ANKS1B: variants seen among roughly 807,000 people sequenced by gnomAD.
The protein encoded by ANKS1B is ankyrin repeat and sterile alpha motif domain-containing protein 1B.
In ANKS1B, 36 loss-of-function variants were observed where a neutral mutation model predicts 148.3. The ratio of observed to expected loss-of-function variants is 0.24; its 90% CI spans 0.19 to 0.32. The LOEUF (loss-of-function observed/expected upper bound fraction) is 0.32. Among genes scored for constraint, ANKS1B ranks in the 10% least tolerant of loss-of-function variants. The pLI is 1.00. For synonymous variants in ANKS1B, 542 were observed against 560.8 expected, an observed-to-expected ratio of 0.97 and a Z score of 0.47; for missense variants, 1,157 against 1,542.6, an observed-to-expected ratio of 0.75 and a Z score of 4.19.
chr12:99,714,534 GTTT>G (rs1036744829), intron 8 of ANKS1B, among the ~76,000 whole-genome samples: 6 of 152,080 alleles, frequency 3.9e-5, no homozygotes, highest in African/African-American at 1.2e-4. Flanking sequence ...AATATTTCAA[GTTT>G]TTTATTATTA....
intron 17 of ANKS1B, among the ~76,000 whole-genome samples, chr12:98,975,460 C>T (rs2099893266): frequency 6.6e-6 from 1 of 151,820 alleles, no homozygotes; most frequent in East Asian, 1.9e-4. Flanking sequence ...TTGCAGTCAC[C>T]GAATGTTTTT....
chr12:98,835,458 C>T (rs762378938), intron 17 of ANKS1B, among the ~76,000 whole-genome samples: 3 of 152,148 alleles, frequency 2.0e-5, no homozygotes, highest in Non-Finnish European at 4.4e-5. Flanking sequence ...GTCATAAAGT[C>T]AATCATGTTA....
chr12:99,463,278 T>C (rs2096019151), intron 10 of ANKS1B, among the ~76,000 whole-genome samples: 1 of 152,206 alleles, frequency 6.6e-6, no homozygotes, highest in African/African-American at 2.4e-5. Context: ...GAAGACAAGA[T>C]ATTCACAAGC....
At position 98,886,947 on chromosome 12, in the gene ANKS1B, G is replaced by A. The variant is rs147638573; in HGVS notation, c.2779-54811C>T. Among the ~76,000 whole-genome samples the A allele has an allele frequency of 1.8e-3, 269 of 151,974 alleles. 11 individuals are homozygous for A. In the East Asian group the frequency reaches 0.046, roughly 26 times the overall value. On this transcript the variant is annotated intron_variant, in intron 17 of 26. Coordinates refer to ENST00000683438, the MANE Select transcript of ANKS1B (RefSeq NM_001352186.2). Reference sequence around the variant, plus strand: ...AATGCAGAATCCATGGGTCTTTCTCGAAAAAAAGAAACAAAAAGCAGTTGG... The same window carrying A: ...AATGCAGAATCCATGGGTCTTTCTCAAAAAAAAGAAACAAAAAGCAGTTGG...
chr12:98,925,629 A>G (rs2152931708), intron 17 of ANKS1B, among the ~76,000 whole-genome samples: 1 of 152,320 alleles, frequency 6.6e-6, no homozygotes, highest in African/African-American at 2.4e-5. Context: ...TTGCACTTAT[A>G]ACCATCTGCC....
At position 98,969,149 on chromosome 12, in the gene ANKS1B, T is replaced by C. The variant is rs544682835; in HGVS notation, c.2778+84008A>G. 7.2e-5 allele frequency among the ~76,000 whole-genome samples: 11 copies of C among 152,324 alleles called. 1 individual carries two copies. The South Asian group carries it at 2.3e-3, about 32-fold the overall frequency. Reference sequence around the variant, plus strand: ...TGGGGAAGGATATGCTTGTGAAATGTAGCTTGGCTCTGTTGCTGACTTAGA... The same window carrying C: ...TGGGGAAGGATATGCTTGTGAAATGCAGCTTGGCTCTGTTGCTGACTTAGA... On this transcript the variant is annotated intron_variant, in intron 17 of 26. Transcript: ENST00000683438.
chr12:99,620,821 T>A lies in ANKS1B; in HGVS notation c.1272+34246A>T, dbSNP rs550777439. Among the ~76,000 whole-genome samples, 18 of 152,216 alleles carry A rather than the reference T, an allele frequency of 1.2e-4. No homozygotes were observed. The East Asian group carries it at 2.1e-3, about 18-fold the overall frequency. ...AGAGAGAAAGAGAAAAAGTAAACAATGTGAAAACATATTTAAGGGAATAAC... is the reference window on the plus strand; with the variant it reads ...AGAGAGAAAGAGAAAAAGTAAACAAAGTGAAAACATATTTAAGGGAATAAC... On this transcript the variant is annotated intron_variant, in intron 9 of 26. Transcript: ENST00000683438.
intron 24 of ANKS1B, among the ~76,000 whole-genome samples, chr12:98,774,523 T>G (rs1325952871): frequency 6.6e-6 from 1 of 152,204 alleles, no homozygotes; most frequent in Admixed American, 6.5e-5. Context: ...AAGAAAAAAA[T>G]TCACATAATC....
chr12:99,387,196 T>A (rs143667366), intron 12 of ANKS1B, among the ~76,000 whole-genome samples: 3 of 152,238 alleles, frequency 2.0e-5, no homozygotes, highest in Non-Finnish European at 4.4e-5. Context: ...ATAGACATAA[T>A]GTTTGTACCC....
chr12:99,629,267 A>G (rs1343401214), intron 9 of ANKS1B, among the ~76,000 whole-genome samples: 1 of 152,204 alleles, frequency 6.6e-6, no homozygotes, highest in African/African-American at 2.4e-5. Flanking sequence ...TAGCTAGCAT[A>G]GGTTGTTGGC....
At chr12:98,805,481 C>T (rs1198888367) in intron 20 of ANKS1B, among the ~76,000 whole-genome samples, 1 of 152,070 alleles carries the variant, frequency 6.6e-6, no homozygotes, top group Non-Finnish European at 1.5e-5. Context: ...TTGCAACTGC[C>T]AACTATAAAT....
At chr12:98,993,119 T>C (rs1279185813) in intron 17 of ANKS1B, among the ~76,000 whole-genome samples, 4 of 152,230 alleles carry the variant, frequency 2.6e-5, no homozygotes, top group Admixed American at 6.5e-5. Context: ...ATTTGGGTAA[T>C]AGAAAAGGCT....
chr12:99,076,095 A>G (rs1020979776), intron 16 of ANKS1B, among the ~76,000 whole-genome samples: 3 of 152,054 alleles, frequency 2.0e-5, no homozygotes, highest in Non-Finnish European at 4.4e-5. Context: ...AGTATATAGT[A>G]AGCACTCACA....
At chr12:99,645,571 G>A (rs932138976) in intron 9 of ANKS1B, among the ~76,000 whole-genome samples, 2 of 152,216 alleles carry the variant, frequency 1.3e-5, no homozygotes, top group East Asian at 3.9e-4. Flanking sequence ...CCAACAGAGA[G>A]GAGAGAGTAT....
chr12:98,961,656 C>G (rs1234122302), intron 17 of ANKS1B, among the ~76,000 whole-genome samples: 1 of 151,860 alleles, frequency 6.6e-6, no homozygotes, highest in Admixed American at 6.6e-5. Flanking sequence ...AAAGATCAAC[C>G]AATCAAAAAT....
chr12:99,558,735 G>A (rs1336046943), intron 9 of ANKS1B, among the ~76,000 whole-genome samples: 3 of 152,260 alleles, frequency 2.0e-5, no homozygotes, highest in Non-Finnish European at 2.9e-5. Flanking sequence ...GATTGGACTG[G>A]ACCCATCACA....
intron 4 of ANKS1B, among the ~76,000 whole-genome samples, chr12:99,789,231 T>C (rs894284195): frequency 6.6e-6 from 1 of 152,158 alleles, no homozygotes; most frequent in African/African-American, 2.4e-5. Flanking sequence ...TACATAGAAT[T>C]CTTCCACATC....
chr12:99,326,627 T>C (rs574641322), intron 12 of ANKS1B, among the ~76,000 whole-genome samples: 1 of 152,070 alleles, frequency 6.6e-6, no homozygotes, highest in Non-Finnish European at 1.5e-5. Flanking sequence ...GAACTAAATG[T>C]CTGATATTGT....
chr12:99,282,794 TAG>T (rs2078648278), intron 12 of ANKS1B, among the ~76,000 whole-genome samples: 1 of 152,148 alleles, frequency 6.6e-6, no homozygotes, highest in Admixed American at 6.5e-5. Flanking sequence ...TGTGAGAATT[TAG>T]AGTTTCGTTT....
Sources: allele counts gnomAD v4.1 joint callset (sites outside exome capture counted in the v4.1 genomes callset), GRCh38; gene constraint gnomAD v4.1.1; transcripts MANE v1.5; gene names NCBI Gene and HGNC (gene_info 2026-07-23, HGNC 2026-07-21).